Variants in GRIK5 observed in about 807,000 individuals in gnomAD.
The protein encoded by GRIK5 is glutamate receptor ionotropic, kainate 5.
A neutral mutation model predicts 97.4 loss-of-function variants in GRIK5; 43 were observed. The ratio of observed to expected loss-of-function variants is 0.44; its 90% confidence interval spans 0.35 to 0.57. The LOEUF (loss-of-function observed/expected upper bound fraction) is 0.57, where lower values mean the gene tolerates loss of function less well. Among genes scored for constraint, GRIK5 ranks in the 20% least tolerant of loss-of-function variants. GRIK5 has a pLI of 0.01. For synonymous variants in GRIK5, 580 were observed against 583.5 expected, an observed-to-expected ratio of 0.99 and a Z score of 0.09; for missense variants, 1,015 against 1,382.0, an observed-to-expected ratio of 0.73 and a Z score of 4.21.
rs552738092 is a variant in GRIK5, at chr19:42,041,608, C to T, written c.1473+944G>A. Among the ~76,000 whole-genome samples, 3 of 152,262 alleles carry T rather than the reference C, an allele frequency of 2.0e-5. No individual in the cohort carries two copies. In the East Asian group the frequency reaches 5.8e-4, roughly 29 times the overall value. ...GTCTGACACCCAAAGATCCTTTCCACTGCACCCTTGCCTGCCACCTCCCAT... is the reference window on the plus strand; with the variant it reads ...GTCTGACACCCAAAGATCCTTTCCATTGCACCCTTGCCTGCCACCTCCCAT... On this transcript the variant is annotated intron_variant, in intron 12 of 19. Coordinates refer to ENST00000593562, the MANE Select transcript of GRIK5 (RefSeq NM_002088.5).
rs1234830301 is a variant in GRIK5 at position 42,053,551 on chromosome 19, G to C, written c.1269+51C>G. 2.8e-6 allele frequency: 3 copies of C among 1,090,618 alleles called. No individual in the cohort carries two copies. The East Asian group carries it at 7.0e-5, about 26-fold the overall frequency. The allele number at this position is 1,090,618 out of a possible 1,614,324, so 67.6% of individuals were successfully genotyped here. A position where few individuals can be genotyped will look rare whatever the true frequency, so the allele number is the denominator to read the frequency against. On this transcript the variant is annotated intron_variant, in intron 11 of 19. Transcript: ENST00000593562. ...CCCTCCACCTCACGGTGGGAGCTAGGACTGGGCTCAGGGCAGCGCCACTCC... is the reference window on the plus strand; with the variant it reads ...CCCTCCACCTCACGGTGGGAGCTAGCACTGGGCTCAGGGCAGCGCCACTCC...
chr19:42,055,676 G>A (rs914495215), intron 8 of GRIK5, among the ~76,000 whole-genome samples: 4 of 151,998 alleles, frequency 2.6e-5, no homozygotes, highest in African/African-American at 9.7e-5. Context: ...AAAATAGGTA[G>A]TTTACCTTTT....
intron 12 of GRIK5, among the ~76,000 whole-genome samples, chr19:42,040,754 C>T (rs1251066820): frequency 2.0e-5 from 3 of 151,878 alleles, no homozygotes; most frequent in Admixed American, 6.6e-5. Context: ...CTCGGAAGGC[C>T]GAGGCAGGAG....
At chr19:42,053,980 G>A (rs1364245979) in intron 9 of GRIK5, 51 bp from the exon 10 acceptor site, 1 of 1,272,352 alleles carries the variant, frequency 7.9e-7, no homozygotes, top group Non-Finnish European at 1.1e-6. Context: ...GCCCAGAGAT[G>A]GGCAGGGAAG....
intron 6 of GRIK5, among the ~76,000 whole-genome samples, chr19:42,057,236 G>GGAGAA (rs2076198848): frequency 6.6e-6 from 1 of 152,126 alleles, no homozygotes; most frequent in African/African-American, 2.4e-5. Flanking sequence ...CTAGAGGAGA[G>GGAGAA]ATTTTGCTAG....
chr19:42,054,499 G>A, intron 8 of GRIK5, 27 bp from the exon 9 acceptor site: 1 of 1,605,596 alleles, frequency 6.2e-7, no homozygotes. Flanking sequence ...GCGGGGGTGG[G>A]ATGGATAAGA....
chr19:42,054,601 T>G, intron 8 of GRIK5, 129 bp from the exon 9 acceptor site: 6 of 1,073,092 alleles, frequency 5.6e-6, no homozygotes, highest in Non-Finnish European at 8.0e-6. Flanking sequence ...GGAAACTGGG[T>G]GGGTCAGGAG....
chr19:42,000,919 A>C (rs2075418009), intron 19 of GRIK5, among the ~76,000 whole-genome samples: 1 of 152,074 alleles, frequency 6.6e-6, no homozygotes, highest in South Asian at 2.1e-4. Context: ...GTGTCTTAGG[A>C]TGTTTTGACA....
Position 42,017,143 on chromosome 19 carries a change from T to C in GRIK5, c.1871+4158A>G, listed in dbSNP as rs114263969. On this transcript the variant is annotated intron_variant, in intron 15 of 19. Coordinates refer to ENST00000593562, the MANE Select transcript of GRIK5 (RefSeq NM_002088.5). ...TTGCACCAGCTGCATTAGCAAATCA[T>C]CACGTTCACAGTGACTTGTATTTGC... 7.5e-3 allele frequency among the ~76,000 whole-genome samples: 1,142 copies of C among 152,358 alleles called. 7 individuals carry two copies. The highest frequency in any genetic ancestry group is 0.026 in the African/African-American group (1,096 of 41,582).
In GRIK5 at chr19:42,022,543, G is replaced by C. The variant is rs767275297; in HGVS notation, c.1474-189C>G. 2 of 985,202 alleles carry C rather than the reference G, an allele frequency of 2.0e-6. No homozygotes were observed. The highest frequency in any genetic ancestry group is 1.7e-5 in the African/African-American group (1 of 57,262). 61.0% of individuals were successfully genotyped at this position (985,202 alleles called of 1,614,324 possible). ...TTGGGCCTGAAATCGGACCCTCATC[G>C]CATGTCCATCCTCATCATCTCACGT... is the stretch of plus-strand genomic sequence containing the variant. On this transcript the variant is annotated intron_variant, in intron 12 of 19. Transcript: ENST00000593562. This position sits in a 1 kb window ranked among gnomAD's most constrained non-coding sequence, Gnocchi z 4.2.
intron 12 of GRIK5, among the ~76,000 whole-genome samples, chr19:42,029,690 C>G (rs1055886024): frequency 8.5e-5 from 13 of 152,282 alleles, no homozygotes; most frequent in African/African-American, 2.4e-4. Flanking sequence ...ATGAATCTCC[C>G]GATCTGCTGG....
chr19:42,055,585 G>A (rs2076172743), intron 8 of GRIK5, among the ~76,000 whole-genome samples: 1 of 152,162 alleles, frequency 6.6e-6, no homozygotes, highest in Non-Finnish European at 1.5e-5. Context: ...CTCTATGTAA[G>A]TCTAATATAC....
chr19:42,052,409 G>C (rs1288853927), intron 11 of GRIK5, among the ~76,000 whole-genome samples: 1 of 152,178 alleles, frequency 6.6e-6, no homozygotes, highest in African/African-American at 2.4e-5. Context: ...GCTGTTAGGA[G>C]GTGTCTGGTT....
Position 42,059,432 on chromosome 19 carries a change from G to C in GRIK5, c.604C>G (p.Leu202Val). Residue 202 changes from leucine (L) to valine (V), a missense_variant, in exon 6 of 20, where the codon CTG becomes GTG. Coordinates refer to ENST00000593562, the MANE Select transcript of GRIK5 (RefSeq NM_002088.5). ...TTGTCATCACGGATCTCCTTGAGCA[G>C]TGGTGTGGGGTCCCGGCTGTCGTCC... ...MLDDSRDPTP[L>V]LKEIRDDKVS... 6.2e-7 allele frequency: 1 copy of C among 1,613,968 alleles called. No homozygotes were observed. The highest frequency in any genetic ancestry group is 1.3e-5 in the African/African-American group (1 of 75,028).
In GRIK5 at chr19:42,062,962, A is replaced by C. The variant is rs2076280722; in HGVS notation, c.245-107T>G. 1.3e-6 allele frequency: 1 copy of C among 798,066 alleles called. No homozygotes were observed. Among genetic ancestry groups the C allele is most frequent in the East Asian group, 2.6e-5 (1 of 38,522 alleles). The allele number at this position is 798,066 out of a possible 1,614,324, so 49.4% of individuals were successfully genotyped here. A position where few individuals can be genotyped will look rare whatever the true frequency, so the allele number is the denominator to read the frequency against. On this transcript the variant is annotated intron_variant, in intron 3 of 19. Coordinates refer to ENST00000593562, the MANE Select transcript of GRIK5 (RefSeq NM_002088.5). The surrounding 1 kb of genome is among the most constrained non-coding windows in gnomAD (Gnocchi z 5.3). ...CCCAGGAGAGGATCAGACACTGGCA[A>C]CTGCCTGATCCTCTTCTGCCATCCG...
intron 12 of GRIK5, among the ~76,000 whole-genome samples, chr19:42,033,246 A>G (rs1166013589): frequency 7.5e-6 from 1 of 133,308 alleles, no homozygotes; most frequent in Non-Finnish European, 1.5e-5. Flanking sequence ...TGAACTCATG[A>G]GGTGGAGGCT....
chr19:42,030,530 C>T (rs932700146), intron 12 of GRIK5, among the ~76,000 whole-genome samples: 2 of 152,186 alleles, frequency 1.3e-5, no homozygotes, highest in East Asian at 3.9e-4. Flanking sequence ...GTGATCATAG[C>T]TCACTGTAGT....
intron 11 of GRIK5, 78 bp downstream of exon 11, chr19:42,053,524 A>G: frequency 1.1e-6 from 1 of 876,408 alleles, no homozygotes; most frequent in Non-Finnish European, 1.9e-6. Context: ...CAGCCAATGC[A>G]TCCCTCCACC....
At chr19:42,035,889 C>T (rs1479356753) in intron 12 of GRIK5, among the ~76,000 whole-genome samples, 2 of 152,052 alleles carry the variant, frequency 1.3e-5, no homozygotes, top group Non-Finnish European at 2.9e-5. Context: ...GGAGTTCCTT[C>T]TCAAATAATT....
Sources: allele counts gnomAD v4.1 joint callset (sites outside exome capture counted in the v4.1 genomes callset), GRCh38; gene constraint gnomAD v4.1.1; non-coding constraint Gnocchi (gnomAD v3.1); transcripts MANE v1.5; gene names NCBI Gene and HGNC (gene_info 2026-07-23, HGNC 2026-07-21).